Variants in MIDEAS observed in about 807,000 individuals in gnomAD.
MIDEAS encodes mitotic deacetylase-associated SANT domain protein.
A neutral mutation model predicts 102.7 loss-of-function variants in MIDEAS; 26 were observed. The ratio of observed to expected loss-of-function variants is 0.25; its 90% CI spans 0.19 to 0.35. The LOEUF is 0.35. MIDEAS is among the 10% of genes least tolerant of loss of function. MIDEAS has a pLI of 1.00. For missense variants in MIDEAS, 1,231 were observed against 1,435.6 expected (o/e 0.86, Z 2.30); for synonymous variants, 585 against 591.0 (o/e 0.99, Z 0.15).
chr14:73,752,533 C>A (rs2053433187), intron 1 of MIDEAS, among the ~76,000 whole-genome samples: 1 of 152,046 alleles, frequency 6.6e-6, no homozygotes, highest in African/African-American at 2.4e-5. Flanking sequence ...AGAACGGGGG[C>A]AATATGGCTC....
intron 9 of MIDEAS, chr14:73,723,444 G>C (rs8023053): frequency 0.058 from 8,866 of 152,308 alleles, 265 homozygotes; most frequent in Middle Eastern, 0.085. Flanking sequence ...GAGCTACCTC[G>C]CCTGGCCTGA....
At position 73,739,246 on chromosome 14, in the gene MIDEAS, G is replaced by A; in HGVS notation, c.763C>T (p.Gln255Ter). Reference sequence around the variant, plus strand: ...GCCTGCTGCTGCTGCTGCTGCTGCTGTGGTTGCTGCTGCTGCTGCTGCTTC... The same window carrying A: ...GCCTGCTGCTGCTGCTGCTGCTGCTATGGTTGCTGCTGCTGCTGCTGCTTC... ...PQKQQQQQQP[Q>*]QQQQQQQAAL... is the part of the protein sequence containing the mutation. The change falls in exon 2 of 13, where the codon CAG becomes TAG. Residue 255 changes from glutamine (Q) to a stop codon, truncating the protein, a stop_gained. Transcript: ENST00000423556. LOFTEE classifies it high-confidence loss of function. 2 of 1,611,870 alleles carry A rather than the reference G, an allele frequency of 1.2e-6. No individual in the cohort carries two copies. The highest frequency in any genetic ancestry group is 1.7e-6 in the Non-Finnish European group (2 of 1,179,476).
rs139662220 is a variant in MIDEAS, at chr14:73,737,273, G to A, written c.1474C>T (p.Arg492Trp). Residue 492 changes from arginine (R) to tryptophan (W), a missense_variant, in exon 3 of 13, where the codon CGG becomes TGG. Physicochemically the swap from Arg to Trp is moderately radical, Grantham distance 101. Around this residue, in one of 5 missense-constraint regions of MIDEAS, gnomAD observed 758 missense variants for 856.0 expected, o/e 0.89. Transcript: ENST00000423556. ...GTAGTTGAGGCCAATACACTTTTCC[G>A]CTTCTCTTCAGAACCACTGCCATCC... ...AKDGSGSEEKRKSVLASTTKC... is the reference protein window; with the variant it reads ...AKDGSGSEEKWKSVLASTTKC... The A allele has an allele frequency of 6.7e-4, 1,075 of 1,611,872 alleles. 17 individuals are homozygous for A. Among genetic ancestry groups the A allele is most frequent in the South Asian group, 4.7e-4 (43 of 90,996 alleles).
chr14:73,760,634 A>G (rs2053546369), upstream of MIDEAS, among the ~76,000 whole-genome samples: 1 of 151,536 alleles, frequency 6.6e-6, no homozygotes, highest in Non-Finnish European at 1.5e-5. This position sits in a 1 kb window ranked among gnomAD's most constrained non-coding sequence, Gnocchi z 4.8. Flanking sequence ...CCACAAAGAA[A>G]CTCTCTCTGG....
At chr14:73,734,650 C>T (rs564396585) in intron 3 of MIDEAS, among the ~76,000 whole-genome samples, 3 of 151,884 alleles carry the variant, frequency 2.0e-5, no homozygotes, top group Admixed American at 1.3e-4. Context: ...AGGCTGGTCT[C>T]GAACTCCTGG....
chr14:73,784,181 A>C (rs2053784667), intron 1 of MIDEAS, among the ~76,000 whole-genome samples: 1 of 152,244 alleles, frequency 6.6e-6, no homozygotes, highest in Admixed American at 6.5e-5. Context: ...TGTTGTTCCT[A>C]ATTGTGCATG....
At chr14:73,728,730 A>T (rs1250063739) in intron 4 of MIDEAS, 5 of 152,284 alleles carry the variant, frequency 3.3e-5, no homozygotes, top group Admixed American at 3.3e-4. Context: ...CACAGGACCC[A>T]GTACAAGGCC....
chr14:73,729,466 C>G (rs1440956614), intron 4 of MIDEAS, among the ~76,000 whole-genome samples, 174 bp downstream of exon 4: 1 of 152,198 alleles, frequency 6.6e-6, no homozygotes, highest in African/African-American at 2.4e-5. Flanking sequence ...GCGGGCCCCC[C>G]ACCCCTCCTT....
At chr14:73,749,185 T>G (rs1009869395) in intron 1 of MIDEAS, among the ~76,000 whole-genome samples, 1 of 152,038 alleles carries the variant, frequency 6.6e-6, no homozygotes, top group Admixed American at 6.6e-5. Context: ...AAATACACAC[T>G]CTTCTCAAGA....
chr14:73,745,065 G>C (rs2053333215), intron 1 of MIDEAS, among the ~76,000 whole-genome samples: 1 of 152,184 alleles, frequency 6.6e-6, no homozygotes, highest in Non-Finnish European at 1.5e-5. Flanking sequence ...AGGTGAGTCA[G>C]AGCCACACCT....
rs189166293 is a variant in MIDEAS, at chr14:73,767,644, G to C, written c.-248+19458C>G. On this transcript the variant is annotated intron_variant, in intron 1 of 11. Transcript: ENST00000394071. ...CAGAAGGAAACTCTGTCTCAAGGGT[G>C]GGGGGAAAAAGGCTCTCATAAAATA... Among the ~76,000 whole-genome samples the C allele has an allele frequency of 1.2e-3, 181 of 152,040 alleles. 1 individual carries two copies. The highest frequency in any genetic ancestry group is 1.8e-3 in the Non-Finnish European group (119 of 67,944).
rs1202076549 is a variant in MIDEAS, at chr14:73,716,855, G to C, written c.*1988C>G. ...CCTTGGGAAACATAAGTAGCACTTT[G>C]GGGCTAAGCTGCGAAGGCACTCGTA... is the stretch of plus-strand genomic sequence containing the variant. On this transcript the variant is annotated 3_prime_UTR_variant, in exon 13 of 13. Coordinates refer to ENST00000423556, the MANE Select transcript of MIDEAS (RefSeq NM_001367710.1). 6.6e-6 allele frequency: 1 copy of C among 152,490 alleles called. No individual in the cohort carries two copies. The highest frequency in any genetic ancestry group is 2.4e-5 in the African/African-American group (1 of 41,336). The allele number at this position is 152,490 out of a possible 1,614,324, so 9.4% of individuals were successfully genotyped here.
Position 73,739,351 on chromosome 14 carries a change from C to A in MIDEAS, c.658G>T (p.Ala220Ser). 6.2e-7 allele frequency: 1 copy of A among 1,601,540 alleles called. No individual in the cohort carries two copies. The highest frequency in any genetic ancestry group is 8.5e-7 in the Non-Finnish European group (1 of 1,172,608). ...TGCCGGTTCACCTGGTGGCCGAATG[C>A]CAGCTGGAAGGGTTGCAGGGGCAGT... ...QSLPLQPFQL[A>S]FGHQVNRQVF... The change falls in exon 2 of 13, where the codon GCA (alanine) becomes TCA (serine). Residue 220 changes from alanine (A) to serine (S), a missense_variant. Ala to Ser is a moderately conservative substitution (Grantham distance 99). Transcript: ENST00000423556.
At chr14:73,743,627 C>A (rs1165299575) in intron 1 of MIDEAS, among the ~76,000 whole-genome samples, 3 of 152,120 alleles carry the variant, frequency 2.0e-5, no homozygotes, top group Non-Finnish European at 4.4e-5. Context: ...GGAAATCAAA[C>A]TGCCCTTCCT....
intron 1 of MIDEAS, among the ~76,000 whole-genome samples, chr14:73,756,433 G>C (rs1025743372): frequency 6.6e-6 from 1 of 152,126 alleles, no homozygotes; most frequent in South Asian, 2.1e-4. Context: ...ATGTTGCTTC[G>C]AATGCAAATG....
Position 73,739,219 on chromosome 14 carries a change from C to A in MIDEAS, c.790G>T (p.Ala264Ser). ...PQQQQQQQQA[A>S]LPQMPLFENF... Reference sequence around the variant, plus strand: ...TCAAAGAGCGGCATCTGGGGTAGGGCTGCCTGCTGCTGCTGCTGCTGCTGC... The same window carrying A: ...TCAAAGAGCGGCATCTGGGGTAGGGATGCCTGCTGCTGCTGCTGCTGCTGC... Residue 264 changes from alanine (A) to serine (S), a missense_variant, in exon 2 of 13, where the codon GCC becomes TCC. Coordinates refer to ENST00000423556, the MANE Select transcript of MIDEAS (RefSeq NM_001367710.1). The A allele has an allele frequency of 6.2e-7, 1 of 1,612,644 alleles. No individual in the cohort carries two copies. Among genetic ancestry groups the A allele is most frequent in the Non-Finnish European group, 8.5e-7 (1 of 1,179,878 alleles).
In MIDEAS at chr14:73,718,939, T is replaced by G. The variant is rs1374293978; in HGVS notation, c.3204A>C (p.Ala1068=). The change falls in exon 13 of 13, where the codon GCA becomes GCC. Residue 1068 remains alanine (A), a synonymous_variant. Transcript: ENST00000423556. The part of the protein sequence containing the change: ...KSHAEQEKKA[A]ALRLKEKEAA... ...CCTCTTTCTCCTTCAGCCTCAGCGC[T>G]GCAGCCTTCTTCTCCTGCTCTGCGT... is the stretch of plus-strand genomic sequence containing the variant. 6.6e-7 allele frequency: 1 copy of G among 1,525,796 alleles called. No individual in the cohort carries two copies. The allele number at this position is 1,525,796 out of a possible 1,614,324, so 94.5% of individuals were successfully genotyped here. A position where few individuals can be genotyped will look rare whatever the true frequency, so the allele number is the denominator to read the frequency against.
At chr14:73,751,594 A>C (rs1202677454) in intron 1 of MIDEAS, among the ~76,000 whole-genome samples, 1 of 152,190 alleles carries the variant, frequency 6.6e-6, no homozygotes, top group Non-Finnish European at 1.5e-5. Context: ...AGGTTAGCCA[A>C]CAGCTCTTTA....
At chr14:73,721,227 T>A in intron 11 of MIDEAS, 70 bp downstream of exon 11, 3 of 1,424,170 alleles carry the variant, frequency 2.1e-6, no homozygotes, top group Non-Finnish European at 2.0e-6. Context: ...TGCTCTACCC[T>A]CCCTCCCACG....
Sources: gnomAD v4.1 joint callset for allele counts (sites outside exome capture counted in the v4.1 genomes callset) on GRCh38, gnomAD v4.1.1 for gene constraint, gnomAD v4.1.1 regional missense constraint, Gnocchi (gnomAD v3.1) non-coding constraint, MANE v1.5 for transcripts, NCBI Gene and HGNC (gene_info 2026-07-23, HGNC 2026-07-21) for gene names.